The following TAF3 variants were observed in gnomAD, a reference collection of about 807,000 sequenced individuals.
TAF3 encodes the protein TATA-box binding protein associated factor 3.
TAF3 carries 7 observed loss-of-function variants against 80.6 expected under a neutral mutation model. The observed-to-expected ratio is 0.09, with a 90% CI of 0.05 to 0.16. The LOEUF is 0.16. Among genes scored for constraint, TAF3 ranks in the 10% least tolerant of loss-of-function variants. The pLI is 1.00. For synonymous variants in TAF3, 444 were observed against 446.1 expected, an observed-to-expected ratio of 1.00 and a Z score of 0.06; for missense variants, 921 against 1,140.2, an observed-to-expected ratio of 0.81 and a Z score of 2.77.
Position 7,965,043 on chromosome 10 carries a change from G to C in TAF3, c.1533G>C (p.Glu511Asp). 6.2e-7 allele frequency: 1 copy of C among 1,614,040 alleles called. No homozygotes were observed. The highest frequency in any genetic ancestry group is 8.5e-7 in the Non-Finnish European group (1 of 1,180,040). Residue 511 changes from glutamate (E) to aspartate (D), a missense_variant, in exon 3 of 7, where the codon GAG becomes GAC. Coordinates refer to ENST00000344293, the MANE Select transcript of TAF3 (RefSeq NM_031923.4). ...TPEPLHKVYE[E>D]KTKLPSSVEV... is the part of the protein sequence containing the mutation. Reference sequence around the variant, plus strand: ...AACCTCTCCACAAGGTGTATGAGGAGAAAACCAAGCTGCCTTCCTCCGTGG... The same window carrying C: ...AACCTCTCCACAAGGTGTATGAGGACAAAACCAAGCTGCCTTCCTCCGTGG...
intron 2 of TAF3, among the ~76,000 whole-genome samples, chr10:7,885,028 TAG>T (rs1837396425): frequency 2.0e-5 from 3 of 151,894 alleles, no homozygotes. Context: ...TGAAAGTATA[TAG>T]TCAAAACTTT....
At chr10:7,820,432 TG>T (rs1836679505) in intron 1 of TAF3, among the ~76,000 whole-genome samples, 1 of 152,262 alleles carries the variant, frequency 6.6e-6, no homozygotes, top group Non-Finnish European at 1.5e-5. Flanking sequence ...AGCCACTTAT[TG>T]ACTTTACATA....
intron 2 of TAF3, among the ~76,000 whole-genome samples, chr10:7,963,406 G>A (rs893060803): frequency 6.6e-6 from 1 of 152,224 alleles, no homozygotes; most frequent in African/African-American, 2.4e-5. Context: ...CCTGAGGTTA[G>A]GGCCAGACCA....
intron 2 of TAF3, among the ~76,000 whole-genome samples, chr10:7,959,776 C>T (rs142831856): frequency 6.6e-6 from 1 of 152,184 alleles, no homozygotes; most frequent in African/African-American, 2.4e-5. Flanking sequence ...CAGTTCTAAT[C>T]TGATAGAATT....
chr10:8,010,975 A>C (rs1832048918), intron 5 of TAF3, among the ~76,000 whole-genome samples: 1 of 152,132 alleles, frequency 6.6e-6, no homozygotes, highest in South Asian at 2.1e-4. Flanking sequence ...ACTGTTTTTT[A>C]GTTTCTTACT....
chr10:7,959,027 C>T (rs1838163921), intron 2 of TAF3, among the ~76,000 whole-genome samples: 1 of 151,964 alleles, frequency 6.6e-6, no homozygotes, highest in South Asian at 2.1e-4. Context: ...GTAGTCTCAG[C>T]TACTTGGGAG....
chr10:7,824,306 A>AGG lies in TAF3; in HGVS notation c.167-12_167-11insGG, dbSNP rs778416448. On this transcript the variant is annotated splice_polypyrimidine_tract_variant and intron_variant, in intron 1 of 6. Transcript: ENST00000344293. ...CTTCAAATAATTTGATTTGCTTTTC[A>AGG]CTTTGTTTCAGATGGCCGAACAGAC... The AGG allele has an allele frequency of 0.025, 27,271 of 1,098,114 alleles. 2,520 individuals carry two copies. The highest frequency in any genetic ancestry group is 0.12 in the African/African-American group (7,603 of 62,986). 68.0% of individuals were successfully genotyped at this position (1,098,114 alleles called of 1,614,324 possible). A position where few individuals can be genotyped will look rare whatever the true frequency, so the allele number is the denominator to read the frequency against.
At chr10:7,956,993 T>C (rs887993034) in intron 2 of TAF3, among the ~76,000 whole-genome samples, 12 of 152,150 alleles carry the variant, frequency 7.9e-5, no homozygotes, top group African/African-American at 2.7e-4. Context: ...TATATAATAA[T>C]TTATGGGATT....
intron 4 of TAF3, among the ~76,000 whole-genome samples, 155 bp from the exon 5 acceptor site, chr10:8,008,923 C>A (rs1278274863): frequency 6.6e-6 from 1 of 152,268 alleles, no homozygotes; most frequent in Admixed American, 6.5e-5. Flanking sequence ...GAGGCCACTT[C>A]ATGCAGGGCC....
intron 2 of TAF3, among the ~76,000 whole-genome samples, chr10:7,891,794 T>C (rs1188376828): frequency 6.6e-6 from 1 of 152,232 alleles, no homozygotes; most frequent in Non-Finnish European, 1.5e-5. Flanking sequence ...CCTCTGGGAT[T>C]GTCAGCAGAA....
intron 4 of TAF3, among the ~76,000 whole-genome samples, chr10:8,000,845 A>G (rs1323250160): frequency 6.6e-6 from 1 of 152,162 alleles, no homozygotes; most frequent in East Asian, 1.9e-4. Context: ...ACATTTTAGT[A>G]TATATTCTTT....
chr10:7,921,895 C>G (rs893123458), intron 2 of TAF3, among the ~76,000 whole-genome samples: 2 of 151,988 alleles, frequency 1.3e-5, no homozygotes, highest in African/African-American at 4.8e-5. Flanking sequence ...AATGCCAGAG[C>G]TAAGGATAAA....
chr10:8,003,663 T>G (rs995999538), intron 4 of TAF3, among the ~76,000 whole-genome samples: 2 of 152,232 alleles, frequency 1.3e-5, no homozygotes, highest in Non-Finnish European at 2.9e-5. Flanking sequence ...AAGAAGAACT[T>G]ACACCATTAT....
chr10:7,930,884 AC>A (rs1473870220), intron 2 of TAF3, among the ~76,000 whole-genome samples: 2 of 151,944 alleles, frequency 1.3e-5, no homozygotes, highest in Non-Finnish European at 2.9e-5. Context: ...TTTTTGTAGC[AC>A]CTATAAGATG....
chr10:7,940,410 T>G (rs1348181276), intron 2 of TAF3, among the ~76,000 whole-genome samples: 1 of 152,232 alleles, frequency 6.6e-6, no homozygotes, highest in African/African-American at 2.4e-5. Flanking sequence ...AGATTTAGAT[T>G]AAAAGGTTCA....
chr10:7,832,941 A>G (rs978012927), intron 2 of TAF3, among the ~76,000 whole-genome samples: 5 of 152,150 alleles, frequency 3.3e-5, no homozygotes, highest in African/African-American at 1.2e-4. Flanking sequence ...CACACTTGTA[A>G]TCTTGTCACT....
chr10:7,905,082 G>C (rs1189239217), intron 2 of TAF3, among the ~76,000 whole-genome samples: 2 of 152,126 alleles, frequency 1.3e-5, no homozygotes, highest in Admixed American at 6.6e-5. Flanking sequence ...AGTAGTAGGA[G>C]GGCATTTTCT....
At position 7,827,992 on chromosome 10, in the gene TAF3, C is replaced by T. The variant is rs554358627; in HGVS notation, c.409+3432C>T. 1.8e-4 allele frequency among the ~76,000 whole-genome samples: 27 copies of T among 152,166 alleles called. No individual in the cohort carries two copies. In the East Asian group the frequency reaches 1.9e-3, roughly 11 times the overall value. The stretch of plus-strand genomic sequence containing the variant: ...ACACATGACAGCGAATATTAGTTCT[C>T]GTCCCCTTTTTCTTTTCTTGCTCTT... On this transcript the variant is annotated intron_variant, in intron 2 of 6. Coordinates refer to ENST00000344293, the MANE Select transcript of TAF3 (RefSeq NM_031923.4).
intron 2 of TAF3, among the ~76,000 whole-genome samples, chr10:7,879,712 A>G (rs1315361664): frequency 6.6e-6 from 1 of 152,192 alleles, no homozygotes; most frequent in Non-Finnish European, 1.5e-5. Flanking sequence ...CTGATGGGCC[A>G]TAGTTATTTA....
Sources: gnomAD v4.1 joint callset for allele counts (sites outside exome capture counted in the v4.1 genomes callset) on GRCh38, gnomAD v4.1.1 for gene constraint, MANE v1.5 for transcripts, NCBI Gene and HGNC (gene_info 2026-07-23, HGNC 2026-07-21) for gene names.